The following KRTAP24-1 variants were observed in gnomAD, a reference collection of about 807,000 sequenced individuals.
The protein encoded by KRTAP24-1 is keratin associated protein 24-1.
For missense variants in KRTAP24-1, 344 were observed against 303.2 expected (o/e 1.13, Z -1.00); for synonymous variants, 133 against 116.3 (o/e 1.14, Z -0.92).
Position 30,282,480 on chromosome 21 carries a change from G to A in KRTAP24-1, c.453C>T (p.Cys151=). ...TGGATAAGCAGTTAAGTTGTCCAAA[G>A]CAGTTGGAACCGTTGCGGAGGGTTT... ...ACQTLRNGSN[C]FGQLNCLSKS... is the part of the protein sequence containing the mutation. The change falls in exon 1 of 1, where the codon TGC becomes TGT. Residue 151 remains cysteine, a synonymous_variant. Coordinates refer to ENST00000340345, the MANE Select transcript of KRTAP24-1 (RefSeq NM_001085455.3). 6.2e-7 allele frequency: 1 copy of A among 1,614,200 alleles called. No individual in the cohort carries two copies. The highest frequency in any genetic ancestry group is 8.5e-7 in the Non-Finnish European group (1 of 1,180,014).
Position 30,282,037 on chromosome 21 carries a change from T to C in KRTAP24-1, c.*131A>G. 1.1e-6 allele frequency: 1 copy of C among 911,070 alleles called. No homozygotes were observed. Among genetic ancestry groups the C allele is most frequent in the Admixed American group, 2.6e-5 (1 of 39,172 alleles). 56.4% of individuals were successfully genotyped at this position (911,070 alleles called of 1,614,324 possible). On this transcript the variant is annotated 3_prime_UTR_variant, in exon 1 of 1. Transcript: ENST00000340345. ...TGGCTGTGGTTAATAAACCTGGGAG[T>C]TGTATTTGAACTTAATGTAACAAGA...
Position 30,282,860 on chromosome 21 carries a change from A to G in KRTAP24-1, c.73T>C (p.Tyr25His). ...GTAACAGAAGAGGTCACTGGGATAT[A>G]ACAGTGAGTTCTGTATGATGTGGTA... is the stretch of plus-strand genomic sequence containing the variant. ...CSTTSYRTHC[Y>H]IPVTSSVTLS... Residue 25 changes from tyrosine (Y) to histidine (H), a missense_variant, in exon 1 of 1, where the codon TAT becomes CAT. By Grantham distance (83) the Tyr-to-His change is moderately conservative. Transcript: ENST00000340345. The G allele has an allele frequency of 6.2e-7, 1 of 1,612,712 alleles. No individual in the cohort carries two copies. The highest frequency in any genetic ancestry group is 8.5e-7 in the Non-Finnish European group (1 of 1,178,764).
rs749393302 is a variant in KRTAP24-1 at position 30,282,855 on chromosome 21, G to C, written c.78C>G (p.Ile26Met). The C allele has an allele frequency of 6.2e-7, 1 of 1,612,172 alleles. No homozygotes were observed. Among genetic ancestry groups the C allele is most frequent in the Non-Finnish European group, 8.5e-7 (1 of 1,178,358 alleles). ...STTSYRTHCY[I>M]PVTSSVTLSS... The stretch of plus-strand genomic sequence containing the variant: ...TAAGAGTAACAGAAGAGGTCACTGG[G>C]ATATAACAGTGAGTTCTGTATGATG... Residue 26 changes from isoleucine to methionine, a missense_variant, in exon 1 of 1, where the codon ATC becomes ATG. Ile to Met is a conservative substitution (Grantham distance 10). Coordinates refer to ENST00000340345, the MANE Select transcript of KRTAP24-1 (RefSeq NM_001085455.3).
chr21:30,282,446 G>C lies in KRTAP24-1; in HGVS notation c.487C>G (p.Gln163Glu). ...CTCAATCTGCAGTGGTTTAGAGTTT[G>C]GAAACTCTTGGATAAGCAGTTAAGT... ...GQLNCLSKSF[Q>E]TLNHCRLSTL... The change falls in exon 1 of 1, where the codon CAA (glutamine) becomes GAA (glutamate). Residue 163 changes from glutamine (Q) to glutamate (E), a missense_variant. Gln to Glu is a conservative substitution (Grantham distance 29). Transcript: ENST00000340345. The C allele has an allele frequency of 6.2e-7, 1 of 1,614,118 alleles. No homozygotes were observed. The highest frequency in any genetic ancestry group is 8.5e-7 in the Non-Finnish European group (1 of 1,180,002).
At position 30,282,228 on chromosome 21, in the gene KRTAP24-1, G is replaced by C. The variant is rs757665426; in HGVS notation, c.705C>G (p.Pro235=). The C allele has an allele frequency of 6.2e-7, 1 of 1,614,094 alleles. No individual in the cohort carries two copies. The highest frequency in any genetic ancestry group is 8.5e-7 in the Non-Finnish European group (1 of 1,179,996). ...AATACCTCAGAGGTGGAAAGGTACT[G>C]GGTATATAGCTCAGAGATCTGAAGC... ...SRSFRSLSYI[P]STFPPLRYLC... The change falls in exon 1 of 1, where the codon CCC becomes CCG. Residue 235 remains proline, a synonymous_variant. Coordinates refer to ENST00000340345, the MANE Select transcript of KRTAP24-1 (RefSeq NM_001085455.3).
At position 30,282,304 on chromosome 21, in the gene KRTAP24-1, T is replaced by C. The variant is rs1980728074; in HGVS notation, c.629A>G (p.Tyr210Cys). 6.2e-7 allele frequency: 1 copy of C among 1,614,110 alleles called. No individual in the cohort carries two copies. The highest frequency in any genetic ancestry group is 8.5e-7 in the Non-Finnish European group (1 of 1,180,000). The change falls in exon 1 of 1, where the codon TAT (tyrosine) becomes TGT (cysteine). Residue 210 changes from tyrosine (Y) to cysteine (C), a missense_variant. Coordinates refer to ENST00000340345, the MANE Select transcript of KRTAP24-1 (RefSeq NM_001085455.3). The part of the protein sequence containing the change: ...PQSYLVRNYH[Y>C]SSYRPTSCRP... ...GCAGCTCGTAGGCCTGTAGCTTGAA[T>C]AGTGATAATTTCTCACTAAATAGCT... is the stretch of plus-strand genomic sequence containing the variant.
In KRTAP24-1 at chr21:30,282,911, T is replaced by G. The variant is rs991728352; in HGVS notation, c.22A>C (p.Thr8Pro). Residue 8 changes from threonine to proline, a missense_variant, in exon 1 of 1, where the codon ACT becomes CCT. Coordinates refer to ENST00000340345, the MANE Select transcript of KRTAP24-1 (RefSeq NM_001085455.3). The stretch of plus-strand genomic sequence containing the variant: ...CTGCAGACCCCAGGATAGCCTGTAG[T>G]AGACATGGAGCCTGCAGGCATGCTC... MPAGSMSTTGYPGVCSTT... is the reference protein window; with the variant it reads MPAGSMSPTGYPGVCSTT... 6.2e-7 allele frequency: 1 copy of G among 1,611,758 alleles called. No homozygotes were observed. Among genetic ancestry groups the G allele is most frequent in the Non-Finnish European group, 8.5e-7 (1 of 1,178,836 alleles).
Position 30,282,284 on chromosome 21 carries a change from T to C in KRTAP24-1, c.649A>G (p.Ser217Gly). Reference protein sequence around the residue: ...NYHYSSYRPTSCRPLSYLSRS... With the variant: ...NYHYSSYRPTGCRPLSYLSRS... The stretch of plus-strand genomic sequence containing the variant: ...GATAAATAGCTCAGTGGTCGGCAGC[T>C]CGTAGGCCTGTAGCTTGAATAGTGA... Residue 217 changes from serine (S) to glycine (G), a missense_variant, in exon 1 of 1, where the codon AGC (serine) becomes GGC (glycine). By Grantham distance (56) the Ser-to-Gly change is moderately conservative. Coordinates refer to ENST00000340345, the MANE Select transcript of KRTAP24-1 (RefSeq NM_001085455.3). 6.2e-7 allele frequency: 1 copy of C among 1,614,104 alleles called. No individual in the cohort carries two copies. Among genetic ancestry groups the C allele is most frequent in the African/African-American group, 1.3e-5 (1 of 75,032 alleles).
chr21:30,282,041 A>C lies in KRTAP24-1; in HGVS notation c.*127T>G. The C allele has an allele frequency of 1.0e-6, 1 of 983,370 alleles. No homozygotes were observed. The highest frequency in any genetic ancestry group is 1.5e-6 in the Non-Finnish European group (1 of 669,594). The allele number at this position is 983,370 out of a possible 1,614,324, so 60.9% of individuals were successfully genotyped here. On this transcript the variant is annotated 3_prime_UTR_variant, in exon 1 of 1. Transcript: ENST00000340345. ...TGTGGTTAATAAACCTGGGAGTTGT[A>C]TTTGAACTTAATGTAACAAGATTCT...
rs1373507632 is a variant in KRTAP24-1, at chr21:30,282,273, T to C, written c.660A>G (p.Pro220=). The C allele has an allele frequency of 6.8e-6, 11 of 1,614,114 alleles. No homozygotes were observed. Among genetic ancestry groups the C allele is most frequent in the Non-Finnish European group, 9.3e-6 (11 of 1,180,008 alleles). The change falls in exon 1 of 1, where the codon CCA becomes CCG. Residue 220 remains proline, a synonymous_variant. Transcript: ENST00000340345. ...YSSYRPTSCR[P]LSYLSRSFRS... ...TGAAGCTTCTAGATAAATAGCTCAGTGGTCGGCAGCTCGTAGGCCTGTAGC... is the reference window on the plus strand; with the variant it reads ...TGAAGCTTCTAGATAAATAGCTCAGCGGTCGGCAGCTCGTAGGCCTGTAGC...
Position 30,282,217 on chromosome 21 carries a change from G to A in KRTAP24-1, c.716C>T (p.Pro239Leu), listed in dbSNP as rs1471583246. ...RSLSYIPSTFPPLRYLCSGSR... is the reference protein window; with the variant it reads ...RSLSYIPSTFLPLRYLCSGSR... ...ACCACTGCACAAATACCTCAGAGGT[G>A]GAAAGGTACTGGGTATATAGCTCAG... is the stretch of plus-strand genomic sequence containing the variant. Residue 239 changes from proline (P) to leucine (L), a missense_variant, in exon 1 of 1, where the codon CCA (proline) becomes CTA (leucine). By Grantham distance (98) the Pro-to-Leu change is moderately conservative (BLOSUM62 -3). Transcript: ENST00000340345. The A allele has an allele frequency of 1.2e-6, 2 of 1,613,904 alleles. No homozygotes were observed. The highest frequency in any genetic ancestry group is 1.1e-5 in the South Asian group (1 of 91,078).
rs778687842 is a variant in KRTAP24-1 at position 30,282,467 on chromosome 21, T to C, written c.466A>G (p.Asn156Asp). 1 of 1,614,158 alleles carries C rather than the reference T, an allele frequency of 6.2e-7. No homozygotes were observed. The highest frequency in any genetic ancestry group is 2.2e-5 in the East Asian group (1 of 44,878). ...GTTTGGAAACTCTTGGATAAGCAGT[T>C]AAGTTGTCCAAAGCAGTTGGAACCG... ...RNGSNCFGQL[N>D]CLSKSFQTLN... The change falls in exon 1 of 1, where the codon AAC (asparagine) becomes GAC (aspartate). Residue 156 changes from asparagine to aspartate, a missense_variant. Physicochemically the swap from Asn to Asp is conservative, Grantham distance 23. Transcript: ENST00000340345.
Position 30,282,526 on chromosome 21 carries a change from C to T in KRTAP24-1, c.407G>A (p.Arg136Gln), listed in dbSNP as rs199971108. The T allele has an allele frequency of 1.0e-4, 166 of 1,612,484 alleles. No homozygotes were observed. The highest frequency in any genetic ancestry group is 3.3e-4 in the Middle Eastern group (2 of 6,064). Residue 136 changes from arginine (R) to glutamine (Q), a missense_variant, in exon 1 of 1, where the codon CGA becomes CAA. Arg to Gln is a conservative substitution (Grantham distance 43). Transcript: ENST00000340345. ...GGTTTGGCAGGCTTTGGATGCATTT[C>T]GAGTGGGTATGTGGCAATTGCATAC... is the stretch of plus-strand genomic sequence containing the variant. ...GYVCNCHIPT[R>Q]NASKACQTLR...
In KRTAP24-1 at chr21:30,282,581, AGCTGGG is replaced by A. The variant is rs752843098; in HGVS notation, c.346_351del (p.Pro116_Ser117del). On this transcript the variant is annotated inframe_deletion, in exon 1 of 1. Coordinates refer to ENST00000340345, the MANE Select transcript of KRTAP24-1 (RefSeq NM_001085455.3). ...CCATTGGTCTGGGTGCTTGGGCTGC[AGCTGGG>A]GCTGGGGCTGACGTTGGTAGTTTCA... 172 of 1,593,680 alleles carry A rather than the reference AGCTGGG, an allele frequency of 1.1e-4. No homozygotes were observed. Among genetic ancestry groups the A allele is most frequent in the Non-Finnish European group, 1.4e-4 (167 of 1,170,032 alleles).
In KRTAP24-1 at chr21:30,282,765, C is replaced by A. The variant is rs1383141211; in HGVS notation, c.168G>T (p.Trp56Cys). 1 of 1,614,036 alleles carries A rather than the reference C, an allele frequency of 6.2e-7. No homozygotes were observed. The highest frequency in any genetic ancestry group is 8.5e-7 in the Non-Finnish European group (1 of 1,179,978). The part of the protein sequence containing the change: ...CLPSSYQGNL[W>C]LLDYCQESYG... ...AGGATTCTTGGCAGTAATCCAGGAGCCAGAGATTTCCTTGGTAGCTACTGG... is the reference window on the plus strand; with the variant it reads ...AGGATTCTTGGCAGTAATCCAGGAGACAGAGATTTCCTTGGTAGCTACTGG... The change falls in exon 1 of 1, where the codon TGG becomes TGT. Residue 56 changes from tryptophan to cysteine, a missense_variant. Transcript: ENST00000340345.
Position 30,282,812 on chromosome 21 carries a change from G to A in KRTAP24-1, c.121C>T (p.Pro41Ser), listed in dbSNP as rs1039120960. 2 of 1,613,974 alleles carry A rather than the reference G, an allele frequency of 1.2e-6. No homozygotes were observed. Among genetic ancestry groups the A allele is most frequent in the African/African-American group, 2.7e-5 (2 of 74,908 alleles). The change falls in exon 1 of 1, where the codon CCT becomes TCT. Residue 41 changes from proline to serine, a missense_variant. Physicochemically the swap from Pro to Ser is moderately conservative, Grantham distance 74. Coordinates refer to ENST00000340345, the MANE Select transcript of KRTAP24-1 (RefSeq NM_001085455.3). ...SVTLSSSDLS[P>S]TFGHCLPSSY... ...CTGGGTAAGCAGTGTCCAAAGGTAGGGCTTAAATCACTGGAGCTAAGAGTA... is the reference window on the plus strand; with the variant it reads ...CTGGGTAAGCAGTGTCCAAAGGTAGAGCTTAAATCACTGGAGCTAAGAGTA...
In KRTAP24-1 at chr21:30,282,289, G is replaced by A. The variant is rs771006844; in HGVS notation, c.644C>T (p.Pro215Leu). 6.2e-7 allele frequency: 1 copy of A among 1,614,020 alleles called. No homozygotes were observed. The highest frequency in any genetic ancestry group is 8.5e-7 in the Non-Finnish European group (1 of 1,179,996). The change falls in exon 1 of 1, where the codon CCT becomes CTT. Residue 215 changes from proline (P) to leucine (L), a missense_variant. Transcript: ENST00000340345. ...VRNYHYSSYR[P>L]TSCRPLSYLS... Reference sequence around the variant, plus strand: ...ATAGCTCAGTGGTCGGCAGCTCGTAGGCCTGTAGCTTGAATAGTGATAATT... The same window carrying A: ...ATAGCTCAGTGGTCGGCAGCTCGTAAGCCTGTAGCTTGAATAGTGATAATT...
chr21:30,281,884 C>T lies in KRTAP24-1; in HGVS notation c.*284G>A, dbSNP rs151136411. On this transcript the variant is annotated 3_prime_UTR_variant, in exon 1 of 1. Coordinates refer to ENST00000340345, the MANE Select transcript of KRTAP24-1 (RefSeq NM_001085455.3). ...AAGAAAGCCGGTGATGGTTGTATTT[C>T]AAATGGAGTCTCTTCGGTAAGTCCA... is the stretch of plus-strand genomic sequence containing the variant. 1.1e-4 allele frequency: 35 copies of T among 306,070 alleles called. No individual in the cohort carries two copies. Among genetic ancestry groups the T allele is most frequent in the African/African-American group, 4.1e-4 (19 of 46,236 alleles). 19.0% of individuals were successfully genotyped at this position (306,070 alleles called of 1,614,324 possible).
rs776219076 is a variant in KRTAP24-1, at chr21:30,282,171, A to G, written c.762T>C (p.Tyr254=). 1 of 1,605,924 alleles carries G rather than the reference A, an allele frequency of 6.2e-7. No homozygotes were observed. Among genetic ancestry groups the G allele is most frequent in the Non-Finnish European group, 8.5e-7 (1 of 1,177,154 alleles). The change falls in exon 1 of 1, where the codon TAT becomes TAC. Residue 254 remains tyrosine, a synonymous_variant. Coordinates refer to ENST00000340345, the MANE Select transcript of KRTAP24-1 (RefSeq NM_001085455.3). ...TGCTATAAATTCTGGAAGTTGGTCA[A>G]TAGCATTTCAGAGGTCTGCTACCAC... is the stretch of plus-strand genomic sequence containing the variant. ...LCSGSRPLKC[Y]
Sources: gnomAD v4.1 joint callset for allele counts on GRCh38, gnomAD v4.1.1 for gene constraint, MANE v1.5 for transcripts, NCBI Gene and HGNC (gene_info 2026-07-23, HGNC 2026-07-21) for gene names.